GRM5: variants seen among roughly 807,000 people sequenced by gnomAD.
The protein encoded by GRM5 is glutamate metabotropic receptor 5, also known as metabotropic glutamate receptor 5.
Under a neutral mutation model 83.1 loss-of-function variants are expected in GRM5, and 19 were observed. The ratio of observed to expected loss-of-function variants is 0.23; its 90% confidence interval spans 0.16 to 0.34. The LOEUF (loss-of-function observed/expected upper bound fraction) is 0.34. Among genes scored for constraint, GRM5 ranks in the 10% least tolerant of loss-of-function variants. GRM5 has a pLI of 1.00. For missense variants in GRM5, 1,160 were observed against 1,588.3 expected (o/e 0.73, Z 4.58); for synonymous variants, 675 against 633.6 (o/e 1.07, Z -0.98).
At chr11:88,962,645 T>C (rs185764448) in intron 2 of GRM5, among the ~76,000 whole-genome samples, 1 of 152,296 alleles carries the variant, frequency 6.6e-6, no homozygotes, top group Non-Finnish European at 1.5e-5. Context: ...GTATCTTCTT[T>C]GTAGCAAACC....
At chr11:88,672,473 A>G (rs1940219215) in intron 3 of GRM5, among the ~76,000 whole-genome samples, 1 of 152,006 alleles carries the variant, frequency 6.6e-6, no homozygotes, top group South Asian at 2.1e-4. Flanking sequence ...AAAGACCTAT[A>G]CAAAATGAGA....
chr11:88,606,161 T>C (rs917411716), intron 4 of GRM5, among the ~76,000 whole-genome samples: 13 of 151,324 alleles, frequency 8.6e-5, no homozygotes, highest in Non-Finnish European at 1.6e-4. Flanking sequence ...GCACAGAGAG[T>C]AGGAGGTAGG....
At chr11:88,606,348 C>T (rs527721568) in intron 4 of GRM5, among the ~76,000 whole-genome samples, 24 of 152,280 alleles carry the variant, frequency 1.6e-4, no homozygotes, top group South Asian at 8.3e-4. Context: ...CAAGGTGAAA[C>T]CCTGTCTCTA....
At position 88,653,280 on chromosome 11, in the gene GRM5, C is replaced by A; in HGVS notation, c.1035G>T (p.Arg345=). 2.5e-6 allele frequency: 4 copies of A among 1,613,116 alleles called. No homozygotes were observed. Among genetic ancestry groups the A allele is most frequent in the Non-Finnish European group, 2.5e-6 (3 of 1,179,404 alleles). ...KWFDDYYLKL[R]PETNHRNPWF... ...AAGGGTTTCGGTGGTTTGTTTCTGG[C>A]CGGAGCTTCAGATAATAATCATCAA... The change falls in exon 4 of 10, where the codon CGG becomes CGT. Residue 345 remains arginine (R), a synonymous_variant. Coordinates refer to ENST00000305447, the MANE Select transcript of GRM5 (RefSeq NM_001143831.3).
In GRM5 at chr11:88,884,361, G is replaced by T. The variant is rs550246207; in HGVS notation, c.662-34206C>A. Among the ~76,000 whole-genome samples the T allele has an allele frequency of 5.1e-4, 78 of 152,232 alleles. 1 individual carries two copies. The South Asian group carries it at 0.012, about 23-fold the overall frequency. ...TGTTTTGGCCAATTTCTTCCATTTT[G>T]AATGTGTATATATACCCAATGCCTG... is the stretch of plus-strand genomic sequence containing the variant. On this transcript the variant is annotated intron_variant, in intron 2 of 9. Transcript: ENST00000305447.
chr11:89,016,981 T>C lies in GRM5; in HGVS notation c.661+30231A>G, dbSNP rs140825275. ...ATACATTTTAACTACCAAATACAGGTAGCAAGGCTAGCACTATCATTAACA... is the reference window on the plus strand; with the variant it reads ...ATACATTTTAACTACCAAATACAGGCAGCAAGGCTAGCACTATCATTAACA... On this transcript the variant is annotated intron_variant, in intron 2 of 9. Transcript: ENST00000305447. 5.5e-4 allele frequency among the ~76,000 whole-genome samples: 84 copies of C among 152,266 alleles called. 1 individual carries two copies. The highest frequency in any genetic ancestry group is 1.9e-3 in the African/African-American group (78 of 41,580).
intron 3 of GRM5, among the ~76,000 whole-genome samples, chr11:88,812,342 A>C (rs1943602672): frequency 6.6e-6 from 1 of 152,164 alleles, no homozygotes; most frequent in African/African-American, 2.4e-5. Flanking sequence ...AGAGATGCTC[A>C]GTTATGTCTG....
intron 2 of GRM5, among the ~76,000 whole-genome samples, chr11:88,888,116 C>T (rs991315188): frequency 1.3e-5 from 2 of 152,124 alleles, no homozygotes; most frequent in Non-Finnish European, 2.9e-5. Context: ...GAGGTGATGC[C>T]ACCAGGATTC....
intron 3 of GRM5, among the ~76,000 whole-genome samples, chr11:88,655,171 A>G (rs16914447): frequency 0.06 from 9,132 of 152,184 alleles, 258 homozygotes; most frequent in Middle Eastern, 0.071. Flanking sequence ...TTTTGTCCCA[A>G]TGTTGAATTT....
chr11:88,573,756 C>G (rs1490253958), intron 7 of GRM5, among the ~76,000 whole-genome samples: 1 of 152,182 alleles, frequency 6.6e-6, no homozygotes, highest in Non-Finnish European at 1.5e-5. Context: ...TGACTAACAA[C>G]ATCATGCTTG....
chr11:89,038,189 G>T (rs1941440038), intron 2 of GRM5, among the ~76,000 whole-genome samples: 1 of 151,604 alleles, frequency 6.6e-6, no homozygotes, highest in Non-Finnish European at 1.5e-5. Context: ...GAAAATCAAT[G>T]TGTAAATGTA....
chr11:88,880,785 G>A (rs1944938265), intron 2 of GRM5, among the ~76,000 whole-genome samples: 1 of 152,184 alleles, frequency 6.6e-6, no homozygotes, highest in South Asian at 2.1e-4. Flanking sequence ...ACAATTAAGT[G>A]TGTTGGGAAG....
intron 3 of GRM5, among the ~76,000 whole-genome samples, chr11:88,703,116 T>C (rs1941073047): frequency 6.6e-6 from 1 of 152,086 alleles, no homozygotes; most frequent in South Asian, 2.1e-4. Context: ...GTCTAAAATG[T>C]TGTTGTATAT....
intron 6 of GRM5, among the ~76,000 whole-genome samples, chr11:88,593,676 C>CA (rs1555075002): frequency 0.13 from 16,619 of 132,660 alleles, 2,522 homozygotes; most frequent in African/African-American, 0.37. Flanking sequence ...GACTCCGTCT[C>CA]AAAAAAAAAA....
chr11:88,782,346 G>C (rs1338586222), intron 3 of GRM5, among the ~76,000 whole-genome samples: 3 of 152,188 alleles, frequency 2.0e-5, no homozygotes, highest in Middle Eastern at 3.4e-3. Context: ...AAGCAAGGAG[G>C]AGCAAGTCAC....
rs578201909 is a variant in GRM5 at position 88,783,012 on chromosome 11, A to G, written c.911+66894T>C. Reference sequence around the variant, plus strand: ...ATTAAGCTATTTGCTAAGGATCACCATGCTAGATTGTGGCAAAACTAGATC... The same window carrying G: ...ATTAAGCTATTTGCTAAGGATCACCGTGCTAGATTGTGGCAAAACTAGATC... On this transcript the variant is annotated intron_variant, in intron 3 of 9. Coordinates refer to ENST00000305447, the MANE Select transcript of GRM5 (RefSeq NM_001143831.3). Among the ~76,000 whole-genome samples the G allele has an allele frequency of 7.2e-5, 11 of 152,296 alleles. No homozygotes were observed. The South Asian group carries it at 1.2e-3, about 17-fold the overall frequency.
chr11:88,689,906 A>G (rs372832293), intron 3 of GRM5, among the ~76,000 whole-genome samples: 5 of 150,092 alleles, frequency 3.3e-5, no homozygotes, highest in African/African-American at 1.2e-4. Flanking sequence ...TTAAAAGAAC[A>G]TTTTTTTTTT....
intron 2 of GRM5, among the ~76,000 whole-genome samples, chr11:88,967,310 A>G (rs1460114389): frequency 6.7e-6 from 1 of 150,340 alleles, no homozygotes; most frequent in African/African-American, 2.4e-5. Context: ...TCTATTAAAG[A>G]TTAAAAACAA....
intron 3 of GRM5, among the ~76,000 whole-genome samples, chr11:88,718,437 T>C (rs1941447530): frequency 6.6e-6 from 1 of 151,968 alleles, no homozygotes; most frequent in East Asian, 1.9e-4. Context: ...ACAGTGGAAT[T>C]AAAAGAGTGG....
Sources: gnomAD v4.1 joint callset for allele counts (sites outside exome capture counted in the v4.1 genomes callset) on GRCh38, gnomAD v4.1.1 for gene constraint, MANE v1.5 for transcripts, NCBI Gene and HGNC (gene_info 2026-07-23, HGNC 2026-07-21) for gene names.